Variants in FANK1 observed in about 807,000 individuals in gnomAD.
FANK1 encodes the protein fibronectin type 3 and ankyrin repeat domains protein 1.
A neutral mutation model predicts 45.3 loss-of-function variants in FANK1; 44 were observed. The ratio of observed to expected loss-of-function variants is 0.97; its 90% CI spans 0.76 to 1.25. The LOEUF (loss-of-function observed/expected upper bound fraction) is 1.25. Ranked by LOEUF, FANK1 falls within the 50% of genes most tolerant of loss-of-function variation. FANK1 has a pLI of 0.00. For missense variants in FANK1, 391 were observed against 424.4 expected, an observed-to-expected ratio of 0.92 and a Z score of 0.69; for synonymous variants, 149 against 152.5, an observed-to-expected ratio of 0.98 and a Z score of 0.17.
chr10:125,997,563 G>C (rs1952436768), intron 6 of FANK1, 78 bp downstream of exon 6: 2 of 1,334,802 alleles, frequency 1.5e-6, no homozygotes, highest in Non-Finnish European at 2.1e-6. Flanking sequence ...GAGGGGTTGT[G>C]ATTTCACCAA....
At chr10:125,996,681 A>G in intron 5 of FANK1, 57 bp downstream of exon 5, 1 of 1,555,522 alleles carries the variant, frequency 6.4e-7, no homozygotes, top group South Asian at 1.1e-5. Context: ...TATTTTATTC[A>G]AAGGCTCTGG....
intron 1 of FANK1, among the ~76,000 whole-genome samples, chr10:125,921,351 A>C (rs60309033): frequency 0.083 from 12,585 of 152,010 alleles, 627 homozygotes; most frequent in South Asian, 0.23. Context: ...GTACTGTATC[A>C]ACAGTTATTC....
At chr10:125,934,444 C>T (rs947808646) in intron 1 of FANK1, among the ~76,000 whole-genome samples, 2 of 151,996 alleles carry the variant, frequency 1.3e-5, no homozygotes, top group Non-Finnish European at 2.9e-5. Context: ...CCAAGGGAAT[C>T]CAGCCTTGGG....
At chr10:125,902,131 G>A in intron 1 of FANK1, among the ~76,000 whole-genome samples, 1 of 152,136 alleles carries the variant, frequency 6.6e-6, no homozygotes, top group Non-Finnish European at 1.5e-5. Flanking sequence ...GGAGGAGGGA[G>A]GGATAGCGTT....
chr10:125,952,059 C>G (rs79378865), intron 1 of FANK1, among the ~76,000 whole-genome samples: 2 of 152,218 alleles, frequency 1.3e-5, no homozygotes, highest in East Asian at 1.9e-4. Context: ...TTTGTGGGGA[C>G]AAGATGTGTC....
At chr10:125,973,332 G>A (rs1453446661) in intron 1 of FANK1, 8 of 579,194 alleles carry the variant, frequency 1.4e-5, no homozygotes, top group Non-Finnish European at 1.7e-5. Flanking sequence ...TATTTTGGGG[G>A]TAATCCATAA....
At chr10:125,998,662 A>G (rs1332447693) in intron 6 of FANK1, among the ~76,000 whole-genome samples, 1 of 152,216 alleles carries the variant, frequency 6.6e-6, no homozygotes, top group African/African-American at 2.4e-5. Context: ...TTGAAAGAGA[A>G]GAATAACTGG....
intron 6 of FANK1, among the ~76,000 whole-genome samples, chr10:126,000,745 G>A (rs1451877306): frequency 1.3e-5 from 2 of 152,058 alleles, no homozygotes; most frequent in Non-Finnish European, 2.9e-5. Context: ...CAATGTTAAG[G>A]ACATTCCAGG....
chr10:125,940,329 G>C (rs1231957159), intron 1 of FANK1, among the ~76,000 whole-genome samples: 1 of 152,116 alleles, frequency 6.6e-6, no homozygotes, highest in East Asian at 1.9e-4. Flanking sequence ...TGGGGAGAAA[G>C]CAAGAAAACA....
chr10:125,947,461 A>G (rs1948889879), intron 1 of FANK1, among the ~76,000 whole-genome samples: 1 of 150,384 alleles, frequency 6.6e-6, no homozygotes. Context: ...AGGGGTTGCA[A>G]TCCTAGTCTC....
intron 1 of FANK1, among the ~76,000 whole-genome samples, chr10:125,914,218 A>C (rs549141103): frequency 2.0e-5 from 3 of 151,304 alleles, no homozygotes; most frequent in African/African-American, 4.9e-5. Context: ...TCAATGTCAC[A>C]TTCTAAATTT....
At chr10:125,902,964 T>G (rs1391684630) in intron 1 of FANK1, among the ~76,000 whole-genome samples, 17 of 152,084 alleles carry the variant, frequency 1.1e-4, no homozygotes, top group African/African-American at 3.1e-4. Context: ...AAAAAAATTT[T>G]CAAAGCAGTG....
chr10:125,916,125 C>T (rs1363176618), intron 1 of FANK1, among the ~76,000 whole-genome samples: 2 of 152,108 alleles, frequency 1.3e-5, no homozygotes, highest in Non-Finnish European at 2.9e-5. Flanking sequence ...GCAACCTCCG[C>T]CTCCTGACTT....
At chr10:125,900,417 T>G (rs1378406828) in intron 1 of FANK1, among the ~76,000 whole-genome samples, 5 of 152,000 alleles carry the variant, frequency 3.3e-5, no homozygotes, top group Non-Finnish European at 7.4e-5. Flanking sequence ...AATTTCTTAA[T>G]GAGTTTTAAT....
At position 125,935,791 on chromosome 10, in the gene FANK1, A is replaced by G. The variant is rs151267991; in HGVS notation, c.13+39136A>G. ...GTTACCTTTGTATAACAATTCTGTC[A>G]TAATAACTTCAGTGGCTGGAATAGA... is the stretch of plus-strand genomic sequence containing the variant. On this transcript the variant is annotated intron_variant, in intron 1 of 10. Transcript: ENST00000368693. Among the ~76,000 whole-genome samples, 662 of 152,304 alleles carry G rather than the reference A, an allele frequency of 4.3e-3. 3 individuals are homozygous for G. The highest frequency in any genetic ancestry group is 0.015 in the African/African-American group (623 of 41,568).
At chr10:125,933,532 G>A (rs1405320687) in intron 1 of FANK1, among the ~76,000 whole-genome samples, 1 of 151,946 alleles carries the variant, frequency 6.6e-6, no homozygotes, top group Non-Finnish European at 1.5e-5. Flanking sequence ...TCTCTTCTTG[G>A]TTAATCTTGC....
Position 126,009,061 on chromosome 10 carries a change from T to G in FANK1, c.857T>G (p.Val286Gly). 1 of 1,614,090 alleles carries G rather than the reference T, an allele frequency of 6.2e-7. No homozygotes were observed. Among genetic ancestry groups the G allele is most frequent in the Non-Finnish European group, 8.5e-7 (1 of 1,180,024 alleles). ...CTGGGTTTTGTTTTCTAGGTGGCTG[T>G]GTTAAATAATCATGAAGAGTTAGTT... is the stretch of plus-strand genomic sequence containing the variant. ...RNGKTPLMVA[V>G]LNNHEELVQL... The change falls in exon 9 of 11, where the codon GTG becomes GGG. Residue 286 changes from valine (V) to glycine (G), a missense_variant. Val to Gly is a moderately radical substitution (Grantham distance 109, BLOSUM62 -3). Coordinates refer to ENST00000368693, the MANE Select transcript of FANK1 (RefSeq NM_145235.5).
chr10:125,997,933 C>G (rs910658600), intron 6 of FANK1, among the ~76,000 whole-genome samples: 1 of 152,226 alleles, frequency 6.6e-6, no homozygotes, highest in Non-Finnish European at 1.5e-5. Flanking sequence ...AAGAGAGACA[C>G]CAAGAGCACT....
rs957770184 is a variant in FANK1, at chr10:125,912,686, G to T, written c.13+16031G>T. On this transcript the variant is annotated intron_variant, in intron 1 of 10. Coordinates refer to ENST00000368693, the MANE Select transcript of FANK1 (RefSeq NM_145235.5). ...TCTTGCTTGCTCTGTTGTCCGGGCT[G>T]GAGTGCAGTGGCCCAGTCTTGGCTC... 7.9e-5 allele frequency among the ~76,000 whole-genome samples: 12 copies of T among 152,124 alleles called. 1 individual carries two copies. The highest frequency in any genetic ancestry group is 2.9e-4 in the African/African-American group (12 of 41,408).
Sources: gnomAD v4.1 joint callset for allele counts (sites outside exome capture counted in the v4.1 genomes callset) on GRCh38, gnomAD v4.1.1 for gene constraint, MANE v1.5 for transcripts, NCBI Gene and HGNC (gene_info 2026-07-23, HGNC 2026-07-21) for gene names.